Variants in DYNC1H1 observed in about 807,000 individuals in gnomAD.
DYNC1H1 encodes the protein cytoplasmic dynein 1 heavy chain 1.
Under a neutral mutation model 527.1 loss-of-function variants are expected in DYNC1H1, and 51 were observed. That is an observed-to-expected ratio of 0.10 (90% CI 0.08 to 0.12). DYNC1H1 has a LOEUF of 0.12. Among genes scored for constraint, DYNC1H1 ranks in the 10% least tolerant of loss-of-function variants. The probability of loss-of-function intolerance (pLI) is 1.00; values close to 1 mark genes in which losing one functional copy is unlikely to be tolerated. For missense variants in DYNC1H1, 2,771 were observed against 5,971.8 expected (o/e 0.46, Z 17.66); for synonymous variants, 2,189 against 2,278.8 (o/e 0.96, Z 1.12).
intron 1 of DYNC1H1, among the ~76,000 whole-genome samples, chr14:101,968,082 A>AT (rs2047687592): frequency 6.6e-6 from 1 of 152,112 alleles, no homozygotes; most frequent in Admixed American, 6.6e-5. Flanking sequence ...TTTTTGTAGC[A>AT]TTTTTTACTT....
chr14:102,012,576 A>AG lies in DYNC1H1; in HGVS notation c.7014+107dup. ...GGAGTCATGGACCCAGATTCCATGG[A>AG]GTAGTGATCATTGTGTAAGTAATTT... is the stretch of plus-strand genomic sequence containing the variant. On this transcript the variant is annotated intron_variant, in intron 34 of 77. Coordinates refer to ENST00000360184, the MANE Select transcript of DYNC1H1 (RefSeq NM_001376.5). This position sits in a 1 kb window ranked among gnomAD's most constrained non-coding sequence, Gnocchi z 4.9. The AG allele has an allele frequency of 6.9e-7, 1 of 1,454,148 alleles. No individual in the cohort carries two copies. Among genetic ancestry groups the AG allele is most frequent in the Non-Finnish European group, 9.6e-7 (1 of 1,039,572 alleles). 90.1% of individuals were successfully genotyped at this position (1,454,148 alleles called of 1,614,324 possible). A position where few individuals can be genotyped will look rare whatever the true frequency, so the allele number is the denominator to read the frequency against.
rs755597231 is a variant in DYNC1H1, at chr14:102,002,668, G to A, written c.4674G>A (p.Lys1558=). 3 of 1,614,236 alleles carry A rather than the reference G, an allele frequency of 1.9e-6. No homozygotes were observed. The highest frequency in any genetic ancestry group is 2.2e-5 in the South Asian group (2 of 91,088). Residue 1558 remains lysine (K), a synonymous_variant, in exon 22 of 78, where the codon AAG becomes AAA. Coordinates refer to ENST00000360184, the MANE Select transcript of DYNC1H1 (RefSeq NM_001376.5). This position sits in a 1 kb window ranked among gnomAD's most constrained non-coding sequence, Gnocchi z 4.4. The part of the protein sequence containing the change: ...EGIFTGSADI[K]HLLPVETQRF... ...TCTTCACAGGCAGTGCAGATATCAA[G>A]CACCTGCTGCCAGTGGAAACCCAGC... is the stretch of plus-strand genomic sequence containing the variant.
rs1005450010 is a variant in DYNC1H1, at chr14:102,011,015, A to G, written c.6618+63A>G. On this transcript the variant is annotated intron_variant, in intron 32 of 77. Coordinates refer to ENST00000360184, the MANE Select transcript of DYNC1H1 (RefSeq NM_001376.5). The surrounding 1 kb of genome is among the most constrained non-coding windows in gnomAD (Gnocchi z 5.3). ...ACCCTGCTGGCTTTAGTGTCTGGTA[A>G]TGACAACCGTGGGCCCTTCGATGAA... 49 of 1,556,716 alleles carry G rather than the reference A, an allele frequency of 3.1e-5. No homozygotes were observed. Among genetic ancestry groups the G allele is most frequent in the Non-Finnish European group, 3.9e-5 (44 of 1,128,688 alleles).
chr14:102,022,741 C>T lies in DYNC1H1; in HGVS notation c.8508-10C>T. 3.7e-6 allele frequency: 6 copies of T among 1,614,048 alleles called. No homozygotes were observed. The highest frequency in any genetic ancestry group is 1.1e-5 in the South Asian group (1 of 91,084). On this transcript the variant is annotated splice_polypyrimidine_tract_variant and intron_variant, in intron 42 of 77. Transcript: ENST00000360184. ...TAGTTACCTAAATGCACATGCTGCT[C>T]TCCCCACAGACTCGTAGAGGATGAG...
At chr14:101,999,847 TTGA>T (rs1595608133) in intron 16 of DYNC1H1, 139 bp from the exon 17 acceptor site, 13 of 1,153,952 alleles carry the variant, frequency 1.1e-5, no homozygotes, top group Admixed American at 2.0e-5. Context: ...GGACATCTTG[TTGA>T]ATGTTTCCTT....
Position 102,050,569 on chromosome 14 carries a change from T to C in DYNC1H1, c.*6T>C, listed in dbSNP as rs201172648. 2 of 1,614,248 alleles carry C rather than the reference T, an allele frequency of 1.2e-6. No homozygotes were observed. The highest frequency in any genetic ancestry group is 1.7e-6 in the Non-Finnish European group (2 of 1,180,044). ...CAGTCTTGTGCACAGAGTAAACTTT[T>C]CTAGCTGCCCCTTTCTGTAATAGTG... On this transcript the variant is annotated 3_prime_UTR_variant, in exon 78 of 78. Coordinates refer to ENST00000360184, the MANE Select transcript of DYNC1H1 (RefSeq NM_001376.5).
rs769550484 is a variant in DYNC1H1, at chr14:102,049,697, G to A, written c.13516-17G>A. 1.5e-5 allele frequency: 24 copies of A among 1,613,776 alleles called. No homozygotes were observed. The highest frequency in any genetic ancestry group is 2.0e-5 in the Non-Finnish European group (24 of 1,180,042). On this transcript the variant is annotated splice_polypyrimidine_tract_variant and intron_variant, in intron 75 of 77. Coordinates refer to ENST00000360184, the MANE Select transcript of DYNC1H1 (RefSeq NM_001376.5). The surrounding 1 kb of genome is among the most constrained non-coding windows in gnomAD (Gnocchi z 5.5). ...CTGACCTGAGCTCCTTCCCCTGGGG[G>A]CTGCTGCTTTCCACAGAACATCCAC...
Position 102,018,720 on chromosome 14 carries a change from G to T in DYNC1H1, c.8343+104G>T. ...TCACACCTGTAATCCCAGCATTTTG[G>T]GAGGCCAAGGTGGGTGGATCCTTTG... is the stretch of plus-strand genomic sequence containing the variant. On this transcript the variant is annotated intron_variant, in intron 41 of 77. Transcript: ENST00000360184. This position sits in a 1 kb window ranked among gnomAD's most constrained non-coding sequence, Gnocchi z 5.2. 2.0e-6 allele frequency: 3 copies of T among 1,478,908 alleles called. No homozygotes were observed. The highest frequency in any genetic ancestry group is 1.8e-6 in the Non-Finnish European group (2 of 1,091,134). The allele number at this position is 1,478,908 out of a possible 1,614,324, so 91.6% of individuals were successfully genotyped here.
intron 10 of DYNC1H1, among the ~76,000 whole-genome samples, chr14:101,990,691 A>G (rs1479559631): frequency 6.6e-6 from 1 of 152,030 alleles, no homozygotes; most frequent in African/African-American, 2.4e-5. Flanking sequence ...CCTGGGCAAC[A>G]TGACGAAACC....
At position 102,044,162 on chromosome 14, in the gene DYNC1H1, C is replaced by A; in HGVS notation, c.12685-112C>A. On this transcript the variant is annotated intron_variant, in intron 70 of 77. Transcript: ENST00000360184. The surrounding 1 kb of genome is among the most constrained non-coding windows in gnomAD (Gnocchi z 7.1). ...AGAGCGAGCTGACCCCTCGTGACCG[C>A]CAAAGCCTAGCTGGCCATGGGGAGT... The A allele has an allele frequency of 6.3e-7, 1 of 1,583,986 alleles. No individual in the cohort carries two copies. Among genetic ancestry groups the A allele is most frequent in the Non-Finnish European group, 8.6e-7 (1 of 1,167,744 alleles).
In DYNC1H1 at chr14:102,012,518, A is replaced by C; in HGVS notation, c.7014+48A>C. The stretch of plus-strand genomic sequence containing the variant: ...TCAACTGAATAATTCCTTTTGGCCA[A>C]CTAAACTTCGTGTGCTAGCTAAGTG... On this transcript the variant is annotated intron_variant, in intron 34 of 77. Coordinates refer to ENST00000360184, the MANE Select transcript of DYNC1H1 (RefSeq NM_001376.5). The surrounding 1 kb of genome is among the most constrained non-coding windows in gnomAD (Gnocchi z 4.9). 9 of 1,613,406 alleles carry C rather than the reference A, an allele frequency of 5.6e-6. No homozygotes were observed. Among genetic ancestry groups the C allele is most frequent in the Non-Finnish European group, 7.6e-6 (9 of 1,179,596 alleles).
chr14:102,049,669 G>A lies in DYNC1H1; in HGVS notation c.13516-45G>A, dbSNP rs779460368. On this transcript the variant is annotated intron_variant, in intron 75 of 77. Transcript: ENST00000360184. The surrounding 1 kb of genome is among the most constrained non-coding windows in gnomAD (Gnocchi z 5.5). ...GCTCTGGGGAAAAACACAGGGCCCA[G>A]GTCTGACCTGAGCTCCTTCCCCTGG... The A allele has an allele frequency of 8.7e-6, 14 of 1,613,694 alleles. No individual in the cohort carries two copies. Among genetic ancestry groups the A allele is most frequent in the Non-Finnish European group, 1.2e-5 (14 of 1,180,032 alleles).
chr14:102,032,835 A>G (rs1595625753), intron 52 of DYNC1H1: 1 of 587,428 alleles, frequency 1.7e-6, no homozygotes, highest in Non-Finnish European at 3.0e-6. Flanking sequence ...CCTGGGTGAC[A>G]GAGAAAAACC....
chr14:102,016,531 GTTGAT>G lies in DYNC1H1; in HGVS notation c.7614+45_7614+49del. On this transcript the variant is annotated intron_variant, in intron 37 of 77. Coordinates refer to ENST00000360184, the MANE Select transcript of DYNC1H1 (RefSeq NM_001376.5). The surrounding 1 kb of genome is among the most constrained non-coding windows in gnomAD (Gnocchi z 7.3). The stretch of plus-strand genomic sequence containing the variant: ...CACCCGTGTTTCTGATTCTCGCCTT[GTTGAT>G]TTAACTCATCCTGGAACAAGCTGAC... The G allele has an allele frequency of 6.2e-7, 1 of 1,614,068 alleles. No homozygotes were observed. Among genetic ancestry groups the G allele is most frequent in the African/African-American group, 1.3e-5 (1 of 75,034 alleles).
rs141665695 is a variant in DYNC1H1 at position 102,015,888 on chromosome 14, G to A, written c.7275G>A (p.Pro2425=). The A allele has an allele frequency of 2.8e-4, 458 of 1,614,092 alleles. No individual in the cohort carries two copies. Among genetic ancestry groups the A allele is most frequent in the Non-Finnish European group, 3.6e-4 (420 of 1,180,052 alleles). ...GAGATGCAGCTACGATCATGCAACC[G>A]TACTTCACGTCCAACGGCCTGGTCA... is the stretch of plus-strand genomic sequence containing the variant. ...IQRDAATIMQ[P]YFTSNGLVTK... The change falls in exon 36 of 78, where the codon CCG becomes CCA. Residue 2425 remains proline, a synonymous_variant. Transcript: ENST00000360184. The surrounding 1 kb of genome is among the most constrained non-coding windows in gnomAD (Gnocchi z 6.9).
At chr14:102,000,542 G>T (rs572495465) in intron 18 of DYNC1H1, 143 bp downstream of exon 18, 1 of 776,002 alleles carries the variant, frequency 1.3e-6, no homozygotes, top group Non-Finnish European at 2.1e-6. Context: ...TACATTATTC[G>T]TCCAAAATAC....
At chr14:101,987,984 G>T (rs1595601902) in intron 9 of DYNC1H1, among the ~76,000 whole-genome samples, 2 of 152,084 alleles carry the variant, frequency 1.3e-5, no homozygotes, top group Non-Finnish European at 2.9e-5. Context: ...AAACTGAGGC[G>T]GGAGGATCAC....
rs35546990 is a variant in DYNC1H1, at chr14:102,049,755, G to T, written c.13557G>T (p.Ala4519=). 4.3e-6 allele frequency: 7 copies of T among 1,613,740 alleles called. No homozygotes were observed. The highest frequency in any genetic ancestry group is 5.9e-6 in the Non-Finnish European group (7 of 1,180,026). ...VCLGGLFVPE[A]YITATRQYVA... The stretch of plus-strand genomic sequence containing the variant: ...TGGGTGGCCTGTTCGTGCCTGAGGC[G>T]TACATCACTGCCACCAGGCAGTATG... Residue 4519 remains alanine (A), a synonymous_variant, in exon 76 of 78, where the codon GCG becomes GCT. Transcript: ENST00000360184. The surrounding 1 kb of genome is among the most constrained non-coding windows in gnomAD (Gnocchi z 5.5).
In DYNC1H1 at chr14:102,015,347, G is replaced by A. The variant is rs763114521; in HGVS notation, c.7242+15G>A. 1.2e-6 allele frequency: 2 copies of A among 1,602,088 alleles called. No individual in the cohort carries two copies. Among genetic ancestry groups the A allele is most frequent in the East Asian group, 2.2e-5 (1 of 44,494 alleles). On this transcript the variant is annotated intron_variant, in intron 35 of 77. Transcript: ENST00000360184. This position sits in a 1 kb window ranked among gnomAD's most constrained non-coding sequence, Gnocchi z 6.9. ...CCATGCTGCAGGTACGCCCAGGTGG[G>A]ACCCCACATATCATGACCTGAGGGT...
Sources: gnomAD v4.1 joint callset for allele counts (sites outside exome capture counted in the v4.1 genomes callset) on GRCh38, gnomAD v4.1.1 for gene constraint, Gnocchi (gnomAD v3.1) non-coding constraint, MANE v1.5 for transcripts, NCBI Gene and HGNC (gene_info 2026-07-23, HGNC 2026-07-21) for gene names.